Variants in NRG1 observed in about 807,000 individuals in gnomAD.
The protein encoded by NRG1 is neuregulin 1, also known as pro-neuregulin-1, membrane-bound isoform.
NRG1 carries 18 observed loss-of-function variants against 63.8 expected under a neutral mutation model. That is an observed-to-expected ratio of 0.28 (90% CI 0.19 to 0.42). NRG1 has a LOEUF of 0.42. Ranked by LOEUF, NRG1 falls within the 10% of genes least tolerant of loss-of-function variation. The probability of loss-of-function intolerance (pLI) is 1.00; values close to 1 mark genes in which losing one functional copy is unlikely to be tolerated. For synonymous variants in NRG1, 302 were observed against 301.3 expected (o/e 1.00, Z -0.02); for missense variants, 762 against 814.7 (o/e 0.94, Z 0.79).
chr8:32,470,030 A>ATTTTTT (rs71208185), intron 1 of NRG1, among the ~76,000 whole-genome samples: 1 of 132,650 alleles, frequency 7.5e-6, no homozygotes, highest in African/African-American at 2.8e-5. Flanking sequence ...CGCCCAGCTA[A>ATTTTTT]TTTTTTTTTT....
chr8:31,775,207 A>G (rs994007392), intron 1 of NRG1, among the ~76,000 whole-genome samples: 16 of 152,260 alleles, frequency 1.1e-4, no homozygotes, highest in African/African-American at 3.6e-4. Flanking sequence ...AGTGTCCATC[A>G]TGGAGGACTG....
intron 1 of NRG1, among the ~76,000 whole-genome samples, chr8:31,881,763 T>TA (rs1470825362): frequency 6.6e-6 from 1 of 152,182 alleles, no homozygotes; most frequent in Non-Finnish European, 1.5e-5. Flanking sequence ...GTAGTCTGGA[T>TA]AGGAGATCAG....
intron 1 of NRG1, among the ~76,000 whole-genome samples, chr8:32,147,203 C>T (rs946459128): frequency 2.6e-5 from 4 of 152,204 alleles, no homozygotes; most frequent in African/African-American, 4.8e-5. Context: ...TGACAATATA[C>T]GTCAAATTTA....
rs149606548 is a variant in NRG1 at position 31,784,092 on chromosome 8, G to A, written c.37+144661G>A. ...TCAAATTCAGATATGCTGATTCCGG[G>A]GCTCATCCTGCTAATGACTGTGCTG... On this transcript the variant is annotated intron_variant, in intron 1 of 10. Transcript: ENST00000519301. 2.0e-5 allele frequency among the ~76,000 whole-genome samples: 3 copies of A among 152,116 alleles called. No homozygotes were observed. The East Asian group carries it at 5.8e-4, about 29-fold the overall frequency.
intron 1 of NRG1, among the ~76,000 whole-genome samples, chr8:32,388,309 G>T (rs1811283018): frequency 6.6e-6 from 1 of 152,148 alleles, no homozygotes; most frequent in Admixed American, 6.5e-5. Context: ...ATCTGATCTA[G>T]TAATTTTCTT....
At chr8:31,924,029 A>T (rs1021648313) in intron 1 of NRG1, among the ~76,000 whole-genome samples, 1 of 152,150 alleles carries the variant, frequency 6.6e-6, no homozygotes, top group African/African-American at 2.4e-5. Context: ...CTCCAGCTCC[A>T]TCTTTGTTGC....
intron 1 of NRG1, among the ~76,000 whole-genome samples, chr8:32,024,823 C>T (rs1816988615): frequency 6.6e-6 from 1 of 151,998 alleles, no homozygotes; most frequent in Admixed American, 6.5e-5. Context: ...AAAATGATCC[C>T]AAAAGTATAG....
intron 1 of NRG1, among the ~76,000 whole-genome samples, chr8:32,041,643 G>A (rs1033151153): frequency 3.3e-5 from 5 of 152,172 alleles, no homozygotes; most frequent in African/African-American, 1.2e-4. Context: ...GGACGAGAAA[G>A]TAGGTCCCAA....
chr8:31,782,884 A>G (rs529251092), intron 1 of NRG1, among the ~76,000 whole-genome samples: 2 of 152,172 alleles, frequency 1.3e-5, no homozygotes, highest in East Asian at 3.9e-4. Flanking sequence ...GAGGAGAAAG[A>G]CTCTAAAGTA....
intron 1 of NRG1, among the ~76,000 whole-genome samples, chr8:32,299,025 CAA>C (rs34799826): frequency 1.5e-4 from 9 of 59,572 alleles, no homozygotes; most frequent in African/African-American, 4.1e-4. Flanking sequence ...GACTCTATCT[CAA>C]AAAAAAAAAA....
At chr8:32,525,209 C>T (rs547739326) in intron 1 of NRG1, among the ~76,000 whole-genome samples, 36 of 152,180 alleles carry the variant, frequency 2.4e-4, no homozygotes, top group African/African-American at 8.4e-4. Flanking sequence ...CTAAGGAGTC[C>T]GGTGCCCATG....
intron 9 of NRG1, 63 bp downstream of exon 9, chr8:32,756,592 T>C: frequency 6.6e-7 from 1 of 1,523,210 alleles, no homozygotes; most frequent in Non-Finnish European, 8.8e-7. Context: ...CGCCTTGAAG[T>C]TTATTTTCGA....
chr8:32,272,944 T>C (rs1851697360), intron 1 of NRG1, among the ~76,000 whole-genome samples: 1 of 152,148 alleles, frequency 6.6e-6, no homozygotes, highest in Non-Finnish European at 1.5e-5. Flanking sequence ...AAAAGAAGCA[T>C]ATTTATTGAA....
chr8:32,430,055 T>C (rs2129486682), intron 1 of NRG1, among the ~76,000 whole-genome samples: 2 of 152,310 alleles, frequency 1.3e-5, no homozygotes, highest in Middle Eastern at 3.4e-3. Context: ...AGTAACATCC[T>C]GTTCTTGACT....
chr8:32,017,208 A>T (rs557268242), intron 1 of NRG1, among the ~76,000 whole-genome samples: 22 of 152,304 alleles, frequency 1.4e-4, no homozygotes, highest in African/African-American at 5.3e-4. Context: ...TATTTTTGCA[A>T]TTTGGAAGGA....
chr8:31,796,412 ATCTTTTTTTTTT>A (rs1821218920), intron 1 of NRG1, among the ~76,000 whole-genome samples: 1 of 92,644 alleles, frequency 1.1e-5, no homozygotes, highest in Non-Finnish European at 2.2e-5. Flanking sequence ...ATGGCGTATA[ATCTTTTTTTTTT>A]TTTTTTTTTT....
intron 7 of NRG1, chr8:32,748,564 A>G (rs567850783): frequency 7.1e-5 from 22 of 308,438 alleles, no homozygotes; most frequent in South Asian, 7.6e-5. Flanking sequence ...TGTTCTTGCA[A>G]TCCTGGAGTC....
At chr8:32,334,718 A>G (rs948215012) in intron 1 of NRG1, among the ~76,000 whole-genome samples, 24 of 152,224 alleles carry the variant, frequency 1.6e-4, no homozygotes, top group Admixed American at 6.5e-5. Flanking sequence ...TTCAGAAAGT[A>G]TATCAAGGCC....
At chr8:32,672,536 A>T (rs1805960015) in intron 5 of NRG1, among the ~76,000 whole-genome samples, 1 of 152,174 alleles carries the variant, frequency 6.6e-6, no homozygotes, top group South Asian at 2.1e-4. Flanking sequence ...ACAACTCTGT[A>T]AATAAATCCA....
Sources: gnomAD v4.1 joint callset for allele counts (sites outside exome capture counted in the v4.1 genomes callset) on GRCh38, gnomAD v4.1.1 for gene constraint, MANE v1.5 for transcripts, NCBI Gene and HGNC (gene_info 2026-07-23, HGNC 2026-07-21) for gene names.